Variants in AQP9 observed in about 807,000 individuals in gnomAD.
AQP9 encodes the protein aquaporin-9.
A neutral mutation model predicts 23.8 loss-of-function variants in AQP9; 19 were observed. The observed-to-expected ratio is 0.80, with a 90% confidence interval of 0.56 to 1.17. The LOEUF (loss-of-function observed/expected upper bound fraction) is 1.17, where lower values mean the gene tolerates loss of function less well. Ranked by LOEUF, AQP9 falls within the 50% of genes most tolerant of loss-of-function variation. The pLI, the probability that AQP9 is intolerant of heterozygous loss-of-function variation, is 0.00. For synonymous variants in AQP9, 153 were observed against 131.5 expected (o/e 1.16, Z -1.12); for missense variants, 413 against 362.0 (o/e 1.14, Z -1.14).
chr15:58,145,764 T>C (rs147942939), intron 1 of AQP9, among the ~76,000 whole-genome samples: 40 of 152,338 alleles, frequency 2.6e-4, no homozygotes, highest in African/African-American at 8.7e-4. Flanking sequence ...CTACTTTCTC[T>C]TGGGTTCTGT....
intron 3 of AQP9, among the ~76,000 whole-genome samples, 153 bp from the exon 4 acceptor site, chr15:58,174,765 T>C (rs1429380600): frequency 6.6e-6 from 1 of 152,182 alleles, no homozygotes; most frequent in Non-Finnish European, 1.5e-5. Flanking sequence ...TGGGCATCTC[T>C]AAAACTATCA....
At chr15:58,159,021 T>G (rs1898319005) in intron 1 of AQP9, among the ~76,000 whole-genome samples, 1 of 152,206 alleles carries the variant, frequency 6.6e-6, no homozygotes, top group Admixed American at 6.5e-5. Flanking sequence ...GTTTTACACT[T>G]TAAAGGACAT....
chr15:58,153,524 C>A (rs1313030528), intron 1 of AQP9: 1 of 152,170 alleles, frequency 6.6e-6, no homozygotes, highest in African/African-American at 2.4e-5. Flanking sequence ...CTCAAGCCAA[C>A]TAGGCCTTAT....
At chr15:58,178,248 C>G (rs116975453) in intron 4 of AQP9, among the ~76,000 whole-genome samples, 1 of 151,922 alleles carries the variant, frequency 6.6e-6, no homozygotes, top group Non-Finnish European at 1.5e-5. Context: ...AACACAAACA[C>G]AAACAAAAAA....
At chr15:58,175,057 G>C (rs1046054529) in intron 4 of AQP9, 21 bp downstream of exon 4, 4 of 1,582,902 alleles carry the variant, frequency 2.5e-6, no homozygotes, top group Middle Eastern at 1.7e-4. Context: ...ATTCAACAAA[G>C]ACTTAACTTT....
At chr15:58,141,583 A>G (rs1039031718) in intron 1 of AQP9, among the ~76,000 whole-genome samples, 1 of 152,178 alleles carries the variant, frequency 6.6e-6, no homozygotes, top group Non-Finnish European at 1.5e-5. Flanking sequence ...GAAATAGGGG[A>G]GTGGGCAGTA....
intron 5 of AQP9, 68 bp from the exon 6 acceptor site, chr15:58,183,893 G>GA (rs3832977): frequency 0.51 from 791,106 of 1,538,954 alleles, 206,915 homozygotes; most frequent in Admixed American, 0.64. Context: ...ACAAGTGAGT[G>GA]AAAAACTAGA....
intron 1 of AQP9, among the ~76,000 whole-genome samples, chr15:58,139,334 C>G (rs762943521): frequency 6.6e-5 from 10 of 152,100 alleles, no homozygotes; most frequent in Non-Finnish European, 1.5e-4. Flanking sequence ...AAACGAGGGA[C>G]GACTTCTAAG....
chr15:58,160,395 T>A (rs1373435223), intron 1 of AQP9, among the ~76,000 whole-genome samples: 5 of 152,200 alleles, frequency 3.3e-5, no homozygotes, highest in African/African-American at 9.6e-5. Flanking sequence ...CCTTATATAT[T>A]ATGGTTATCA....
intron 4 of AQP9, among the ~76,000 whole-genome samples, chr15:58,176,025 C>T (rs906441554): frequency 6.6e-6 from 1 of 152,210 alleles, no homozygotes; most frequent in Non-Finnish European, 1.5e-5. Flanking sequence ...CCTCCAACTT[C>T]CTGCGTGGCT....
At chr15:58,144,641 G>A (rs2140584656) in intron 1 of AQP9, among the ~76,000 whole-genome samples, 1 of 152,226 alleles carries the variant, frequency 6.6e-6, no homozygotes, top group Non-Finnish European at 1.5e-5. Context: ...TAAAATGGGA[G>A]TTATGTATTT....
intron 2 of AQP9, among the ~76,000 whole-genome samples, chr15:58,169,366 A>G (rs1408875298): frequency 6.6e-6 from 1 of 152,192 alleles, no homozygotes; most frequent in East Asian, 1.9e-4. Flanking sequence ...AATCTAGCAC[A>G]GTTCAGGCTC....
chr15:58,143,386 C>G (rs1291053126), intron 1 of AQP9, among the ~76,000 whole-genome samples: 2 of 152,196 alleles, frequency 1.3e-5, no homozygotes, highest in East Asian at 1.9e-4. Context: ...ACCCCAGACA[C>G]TTTGATCCTT....
intron 1 of AQP9, among the ~76,000 whole-genome samples, chr15:58,158,294 T>C (rs528523791): frequency 6.6e-5 from 10 of 152,286 alleles, no homozygotes; most frequent in Admixed American, 5.2e-4. Flanking sequence ...TCTTGTTCCA[T>C]CCAGTGTGTG....
chr15:58,179,618 C>T (rs1450423363), intron 5 of AQP9, among the ~76,000 whole-genome samples: 2 of 151,688 alleles, frequency 1.3e-5, no homozygotes, highest in Middle Eastern at 3.4e-3. Context: ...AATAATAATC[C>T]CTCAATTGCT....
intron 3 of AQP9, among the ~76,000 whole-genome samples, chr15:58,174,670 G>A (rs1183425754): frequency 2.0e-5 from 3 of 152,230 alleles, no homozygotes; most frequent in African/African-American, 7.2e-5. Context: ...GGACCCTATC[G>A]AAGAATAATT....
chr15:58,161,058 A>T (rs1185722412), intron 1 of AQP9, among the ~76,000 whole-genome samples: 1 of 151,772 alleles, frequency 6.6e-6, no homozygotes, highest in African/African-American at 2.4e-5. Flanking sequence ...CAGCTTGAGG[A>T]CTCTGGGCTG....
At chr15:58,149,377 C>T (rs1483568597) in intron 1 of AQP9, among the ~76,000 whole-genome samples, 1 of 152,194 alleles carries the variant, frequency 6.6e-6, no homozygotes, top group Non-Finnish European at 1.5e-5. Flanking sequence ...AATGTTTCCT[C>T]CTTCACCTAT....
intron 1 of AQP9, among the ~76,000 whole-genome samples, chr15:58,165,815 C>G (rs1365362261): frequency 2.0e-5 from 3 of 152,198 alleles, no homozygotes; most frequent in Non-Finnish European, 4.4e-5. Flanking sequence ...TCATACTTCA[C>G]TGTGCAACTG....
Sources: allele counts gnomAD v4.1 joint callset (sites outside exome capture counted in the v4.1 genomes callset), GRCh38; gene constraint gnomAD v4.1.1; transcripts MANE v1.5; gene names NCBI Gene and HGNC (gene_info 2026-07-23, HGNC 2026-07-21).